DDC: variants seen among roughly 807,000 people sequenced by gnomAD.
The protein encoded by DDC is aromatic-L-amino-acid decarboxylase.
Under a neutral mutation model 60.0 loss-of-function variants are expected in DDC, and 43 were observed. The ratio of observed to expected loss-of-function variants is 0.72; its 90% CI spans 0.56 to 0.92. The LOEUF is 0.92. Among genes scored for constraint, DDC ranks in the 40% least tolerant of loss-of-function variants. The pLI is 0.00. For missense variants in DDC, 573 were observed against 620.2 expected (o/e 0.92, Z 0.81); for synonymous variants, 232 against 234.6 (o/e 0.99, Z 0.10).
chr7:50,475,830 C>T (rs2153535405), intron 11 of DDC, among the ~76,000 whole-genome samples: 1 of 152,212 alleles, frequency 6.6e-6, no homozygotes, highest in South Asian at 2.1e-4. Flanking sequence ...GCTGGGATTA[C>T]AGGTGCCTGC....
At chr7:50,526,372 A>G (rs946876189) in intron 6 of DDC, among the ~76,000 whole-genome samples, 5 of 152,236 alleles carry the variant, frequency 3.3e-5, no homozygotes, top group African/African-American at 1.2e-4. Context: ...GTGAAGGCAC[A>G]GTAAAGACAC....
At chr7:50,539,882 G>A (rs905486915) in intron 3 of DDC, 33 bp downstream of exon 3, 4 of 1,551,368 alleles carry the variant, frequency 2.6e-6, no homozygotes, top group African/African-American at 2.7e-5. Context: ...ACCACAGCCA[G>A]GACCCCTTCC....
chr7:50,529,200 ACACT>A lies in DDC; in HGVS notation c.570+4_570+7del, dbSNP rs1318107469. On this transcript the variant is annotated splice_donor_5th_base_variant and intron_variant, in intron 5 of 14. Transcript: ENST00000444124. ...AAGTCTTGGCTGATACCCCCACAACACACTCACCTGATCGGATGAGTAAGCCACC... is the reference window on the plus strand; with the variant it reads ...AAGTCTTGGCTGATACCCCCACAACACACCTGATCGGATGAGTAAGCCACC... The A allele has an allele frequency of 6.2e-7, 1 of 1,612,760 alleles. No homozygotes were observed. Among genetic ancestry groups the A allele is most frequent in the Non-Finnish European group, 8.5e-7 (1 of 1,179,956 alleles).
chr7:50,474,811 T>C (rs1343902512), intron 11 of DDC, among the ~76,000 whole-genome samples: 1 of 152,180 alleles, frequency 6.6e-6, no homozygotes, highest in African/African-American at 2.4e-5. Flanking sequence ...TTTTTTCTAA[T>C]GATATCTAAG....
At chr7:50,523,521 C>T (rs930354736) in intron 6 of DDC, among the ~76,000 whole-genome samples, 3 of 152,158 alleles carry the variant, frequency 2.0e-5, no homozygotes, top group African/African-American at 4.8e-5. Flanking sequence ...CCTGAACAGA[C>T]ATCTTACCAA....
At chr7:50,534,418 AAAACCC>A (rs1455195533) in intron 4 of DDC, among the ~76,000 whole-genome samples, 2 of 152,106 alleles carry the variant, frequency 1.3e-5, no homozygotes, top group Non-Finnish European at 2.9e-5. Context: ...GCAAAATGGC[AAAACCC>A]TGTCTCTACT....
intron 4 of DDC, among the ~76,000 whole-genome samples, chr7:50,531,482 C>T (rs555866917): frequency 2.6e-5 from 4 of 152,020 alleles, no homozygotes; most frequent in Non-Finnish European, 4.4e-5. Context: ...CTGCTTGAAG[C>T]GTTGGAACGC....
rs944221186 is a variant in DDC at position 50,476,940 on chromosome 7, C to T, written c.1022-297G>A. On this transcript the variant is annotated intron_variant, in intron 10 of 14. Transcript: ENST00000444124. ...TGAACATCTGAGGTTTCATCTAGTG[C>T]CCAGTAGAGAGTTAGCATTCAGATC... Among the ~76,000 whole-genome samples, 3 of 152,130 alleles carry T rather than the reference C, an allele frequency of 2.0e-5. No individual in the cohort carries two copies. The South Asian group carries it at 6.2e-4, about 32-fold the overall frequency.
At chr7:50,461,727 C>T (rs2042277836) in intron 14 of DDC, among the ~76,000 whole-genome samples, 1 of 152,242 alleles carries the variant, frequency 6.6e-6, no homozygotes. Context: ...CTCACATAGT[C>T]TTATGCTGAG....
At chr7:50,470,031 C>CCT in intron 12 of DDC, 42 bp downstream of exon 12, 1 of 1,245,094 alleles carries the variant, frequency 8.0e-7, no homozygotes, top group Non-Finnish European at 1.2e-6. Flanking sequence ...TCCCGAAAGA[C>CCT]CTCCGCAATT....
chr7:50,516,575 G>T (rs1211743802), intron 6 of DDC, among the ~76,000 whole-genome samples: 1 of 150,982 alleles, frequency 6.6e-6, no homozygotes, highest in African/African-American at 2.4e-5. Flanking sequence ...AAATAACCAA[G>T]ATCAGAGCAG....
At chr7:50,500,247 A>G (rs563444928) in intron 7 of DDC, among the ~76,000 whole-genome samples, 6 of 152,156 alleles carry the variant, frequency 3.9e-5, no homozygotes, top group African/African-American at 1.2e-4. Context: ...CTCACCATCC[A>G]TGGTGCTCAT....
Position 50,537,913 on chromosome 7 carries a change from G to T in DDC, c.382C>A (p.Leu128Ile). The T allele has an allele frequency of 6.2e-7, 1 of 1,614,158 alleles. No individual in the cohort carries two copies. Among genetic ancestry groups the T allele is most frequent in the Non-Finnish European group, 8.5e-7 (1 of 1,180,040 alleles). ...TTCTCATTCAAAAATGCCTTTGGTA[G>T]TTCCAGCATCTTCCCGAGCCAGTCC... is the stretch of plus-strand genomic sequence containing the variant. ...MMDWLGKMLELPKAFLNEKAG... is the reference protein window; with the variant it reads ...MMDWLGKMLEIPKAFLNEKAG... The change falls in exon 4 of 15, where the codon CTA becomes ATA. Residue 128 changes from leucine (L) to isoleucine (I), a missense_variant. Physicochemically the swap from Leu to Ile is conservative, Grantham distance 5 (BLOSUM62 2). Coordinates refer to ENST00000444124, the MANE Select transcript of DDC (RefSeq NM_001082971.2).
chr7:50,461,936 C>G (rs2042283058), intron 14 of DDC, among the ~76,000 whole-genome samples: 1 of 152,178 alleles, frequency 6.6e-6, no homozygotes, highest in Non-Finnish European at 1.5e-5. Context: ...GAAGGTAGCC[C>G]TTTGGCTTCA....
chr7:50,468,438 CA>C (rs1329236255), intron 12 of DDC, among the ~76,000 whole-genome samples: 3 of 152,116 alleles, frequency 2.0e-5, no homozygotes, highest in Non-Finnish European at 4.4e-5. Context: ...TTTCTTTCCC[CA>C]AAAAAGCTGA....
chr7:50,467,462 C>G lies in DDC; in HGVS notation c.1141-147G>C. 4.3e-6 allele frequency: 3 copies of G among 691,634 alleles called. No individual in the cohort carries two copies. The South Asian group carries it at 4.6e-5, about 11-fold the overall frequency. 42.8% of individuals were successfully genotyped at this position (691,634 alleles called of 1,614,324 possible). Reference sequence around the variant, plus strand: ...TCAAGTGCTTTTACCGTTCACTGACCAGCTGTTTCCAGGCAGGCTAAGAAA... The same window carrying G: ...TCAAGTGCTTTTACCGTTCACTGACGAGCTGTTTCCAGGCAGGCTAAGAAA... On this transcript the variant is annotated intron_variant, in intron 12 of 14. Coordinates refer to ENST00000444124, the MANE Select transcript of DDC (RefSeq NM_001082971.2).
At chr7:50,546,519 A>G (rs892749361) in intron 1 of DDC, among the ~76,000 whole-genome samples, 2 of 152,256 alleles carry the variant, frequency 1.3e-5, no homozygotes, top group Admixed American at 1.3e-4. Flanking sequence ...AGTTGTGCTC[A>G]GAAGGCCAAG....
At chr7:50,549,343 A>C (rs2044905683) in intron 1 of DDC, among the ~76,000 whole-genome samples, 1 of 152,196 alleles carries the variant, frequency 6.6e-6, no homozygotes, top group African/African-American at 2.4e-5. Context: ...AGAATTTACT[A>C]TTCTAGATGC....
At position 50,524,043 on chromosome 7, in the gene DDC, T is replaced by C. The variant is rs148618092; in HGVS notation, c.714+4094A>G. On this transcript the variant is annotated intron_variant, in intron 6 of 14. Transcript: ENST00000444124. ...TGGAGGAAACTTAAATACATGTTAG[T>C]GAAATAAGTCAATCTGAAAAGGCTA... is the stretch of plus-strand genomic sequence containing the variant. Among the ~76,000 whole-genome samples the C allele has an allele frequency of 2.9e-3, 446 of 152,278 alleles. 6 individuals are homozygous for C. The highest frequency in any genetic ancestry group is 1.0e-2 in the African/African-American group (414 of 41,546).
Sources: allele counts gnomAD v4.1 joint callset (sites outside exome capture counted in the v4.1 genomes callset), GRCh38; gene constraint gnomAD v4.1.1; transcripts MANE v1.5; gene names NCBI Gene and HGNC (gene_info 2026-07-23, HGNC 2026-07-21).